The following TJP3 variants were observed in gnomAD, a reference collection of about 807,000 sequenced individuals.
TJP3 encodes tight junction protein ZO-3.
In TJP3, 85 loss-of-function variants were observed where a neutral mutation model predicts 104.2. That is an observed-to-expected ratio of 0.82 (90% confidence interval 0.68 to 0.98). The LOEUF is 0.98. Ranked by LOEUF, TJP3 falls within the 50% of genes least tolerant of loss-of-function variation. TJP3 has a pLI of 0.00. For missense variants in TJP3, 1,367 were observed against 1,322.8 expected (o/e 1.03, Z -0.52); for synonymous variants, 550 against 550.6 (o/e 1.00, Z 0.02).
At position 3,733,888 on chromosome 19, in the gene TJP3, GAC is replaced by G; in HGVS notation, c.855_856del (p.Asp285GlufsTer65). 1 of 1,614,120 alleles carries G rather than the reference GAC, an allele frequency of 6.2e-7. No homozygotes were observed. Among genetic ancestry groups the G allele is most frequent in the Non-Finnish European group, 8.5e-7 (1 of 1,179,974 alleles). ...FLVNIPPAVSDSDSSPLEDIS... is the reference protein window; with the variant it reads ...FLVNIPPAVSXSDSSPLEDIS... ...GGTGAACATTCCGCCTGCTGTCAGT[GAC>G]AGCGACAGCTCGCCATTGGAGGGTG... On this transcript the variant is annotated frameshift_variant, in exon 7 of 21. Coordinates refer to ENST00000541714, the MANE Select transcript of TJP3 (RefSeq NM_001267560.2). LOFTEE classifies it high-confidence loss of function.
chr19:3,727,538 G>A (rs902074886), intron 1 of TJP3, among the ~76,000 whole-genome samples: 1 of 148,624 alleles, frequency 6.7e-6, no homozygotes. Context: ...CACAAAGGAA[G>A]TGTTTCATTC....
rs1161407830 is a variant in TJP3 at position 3,746,460 on chromosome 19, C to G, written c.2011-25C>G. 1 of 1,612,546 alleles carries G rather than the reference C, an allele frequency of 6.2e-7. No homozygotes were observed. Among genetic ancestry groups the G allele is most frequent in the Admixed American group, 1.7e-5 (1 of 59,956 alleles). ...TTTACCCTGCTGCAATCCCCCTCACCCCAACGTCCGCCGGCCTGGCCCAGG... is the reference window on the plus strand; with the variant it reads ...TTTACCCTGCTGCAATCCCCCTCACGCCAACGTCCGCCGGCCTGGCCCAGG... On this transcript the variant is annotated intron_variant, in intron 16 of 20. Transcript: ENST00000541714. The surrounding 1 kb of genome is among the most constrained non-coding windows in gnomAD (Gnocchi z 4.1).
At chr19:3,728,222 A>G (rs543590764) in intron 1 of TJP3, 1 of 372,570 alleles carries the variant, frequency 2.7e-6, no homozygotes, top group South Asian at 1.1e-4. Flanking sequence ...CCTGGGCGAC[A>G]GAGCCAGACT....
intron 8 of TJP3, 55 bp from the exon 9 acceptor site, chr19:3,735,511 T>C: frequency 3.1e-6 from 5 of 1,587,898 alleles, no homozygotes; most frequent in East Asian, 2.2e-5. Flanking sequence ...AAATTCTTTT[T>C]AAAATGGCCC....
chr19:3,709,339 AACCCCCTC>A (rs1568375200), intron 1 of TJP3, among the ~76,000 whole-genome samples: 1 of 152,020 alleles, frequency 6.6e-6, no homozygotes, highest in Non-Finnish European at 1.5e-5. Context: ...CAGGTGATCC[AACCCCCTC>A]GGCCTCCCAA....
At chr19:3,732,624 C>G (rs1599153793) in intron 6 of TJP3, among the ~76,000 whole-genome samples, 1 of 152,082 alleles carries the variant, frequency 6.6e-6, no homozygotes, top group East Asian at 1.9e-4. Context: ...ATTCTCCTGC[C>G]TTAGCCTCCC....
chr19:3,740,335 G>C (rs1348315049), intron 13 of TJP3, among the ~76,000 whole-genome samples: 2 of 152,132 alleles, frequency 1.3e-5, no homozygotes, highest in Non-Finnish European at 2.9e-5. Context: ...CTGAACCCAG[G>C]AGGCAGAGGT....
chr19:3,712,544 G>A (rs923812765), intron 1 of TJP3, among the ~76,000 whole-genome samples: 2 of 152,086 alleles, frequency 1.3e-5, no homozygotes, highest in Non-Finnish European at 2.9e-5. Context: ...CGGGATCCCC[G>A]TTTTACAGAT....
At position 3,727,428 on chromosome 19, in the gene TJP3, A is replaced by C. The variant is rs185545819; in HGVS notation, c.-9-996A>C. 5.2e-3 allele frequency among the ~76,000 whole-genome samples: 773 copies of C among 150,076 alleles called. 4 individuals carry two copies. The highest frequency in any genetic ancestry group is 7.8e-3 in the Non-Finnish European group (529 of 67,756). ...AACCTGGAAGGCGGAGGTTGCAGTGAGCCAAGATCACGCCATTGCACTCCA... is the reference window on the plus strand; with the variant it reads ...AACCTGGAAGGCGGAGGTTGCAGTGCGCCAAGATCACGCCATTGCACTCCA... On this transcript the variant is annotated intron_variant, in intron 1 of 20. Transcript: ENST00000541714.
intron 1 of TJP3, among the ~76,000 whole-genome samples, chr19:3,726,822 A>C (rs187669439): frequency 2.0e-5 from 3 of 151,878 alleles, no homozygotes; most frequent in Admixed American, 2.0e-4. Context: ...ATAATGGCTC[A>C]CACTTGTAAT....
intron 1 of TJP3, among the ~76,000 whole-genome samples, chr19:3,717,860 C>A (rs1040377974): frequency 2.7e-5 from 4 of 150,570 alleles, no homozygotes; most frequent in Non-Finnish European, 5.9e-5. Flanking sequence ...AGCAATCCTC[C>A]CAGCTCAGCT....
chr19:3,730,152 T>C lies in TJP3; in HGVS notation c.261+22T>C, dbSNP rs2036649563. 6.2e-7 allele frequency: 1 copy of C among 1,610,290 alleles called. No individual in the cohort carries two copies. Among genetic ancestry groups the C allele is most frequent in the African/African-American group, 1.3e-5 (1 of 74,816 alleles). On this transcript the variant is annotated intron_variant, in intron 4 of 20. Transcript: ENST00000541714. The surrounding 1 kb of genome is among the most constrained non-coding windows in gnomAD (Gnocchi z 7.3). ...CATCGTGAGTAGGCAGCCCCTGGCA[T>C]GGCCAGCATCTCTGACCCCAGCCTG...
chr19:3,737,115 A>G (rs1413127518), intron 11 of TJP3, among the ~76,000 whole-genome samples: 3 of 151,864 alleles, frequency 2.0e-5, no homozygotes, highest in African/African-American at 7.3e-5. Context: ...CCTGGCCTCA[A>G]GTGATGCACC....
chr19:3,717,864 C>T (rs2036495940), intron 1 of TJP3, among the ~76,000 whole-genome samples: 1 of 150,988 alleles, frequency 6.6e-6, no homozygotes, highest in Non-Finnish European at 1.5e-5. Flanking sequence ...ATCCTCCCAG[C>T]TCAGCTTCCC....
intron 11 of TJP3, 81 bp from the exon 12 acceptor site, chr19:3,738,474 T>G (rs2036767099): frequency 7.9e-7 from 1 of 1,270,692 alleles, no homozygotes; most frequent in Admixed American, 1.9e-5. Context: ...GGCTGAGTTT[T>G]GCCCAGAGGA....
At chr19:3,745,131 G>GTTTT (rs2036869010) in intron 15 of TJP3, among the ~76,000 whole-genome samples, 1 of 80,322 alleles carries the variant, frequency 1.2e-5, no homozygotes, top group Non-Finnish European at 2.4e-5. Context: ...CAAATTTTAT[G>GTTTT]TCTTTTTTTT....
intron 14 of TJP3, among the ~76,000 whole-genome samples, 155 bp downstream of exon 14, chr19:3,740,918 A>G (rs774785057): frequency 1.3e-5 from 2 of 152,120 alleles, no homozygotes; most frequent in Non-Finnish European, 2.9e-5. Context: ...AGGTAGGAGG[A>G]TCGCTGAGGC....
rs553562147 is a variant in TJP3, at chr19:3,738,088, G to GTCCATTGGCTGTA, written c.1285-462_1285-461insTGGCTGTATCCAT. ...CATGACCCGGAGAGCAGATGGCTGTGTCCATATATTGTTGTCCCTGTCATG... is the reference window on the plus strand; with the variant it reads ...CATGACCCGGAGAGCAGATGGCTGTGTCCATTGGCTGTATCCATATATTGTTGTCCCTGTCATG... On this transcript the variant is annotated intron_variant, in intron 11 of 20. Coordinates refer to ENST00000541714, the MANE Select transcript of TJP3 (RefSeq NM_001267560.2). Among the ~76,000 whole-genome samples, 202 of 152,214 alleles carry GTCCATTGGCTGTA rather than the reference G, an allele frequency of 1.3e-3. 1 individual carries two copies. Among genetic ancestry groups the GTCCATTGGCTGTA allele is most frequent in the African/African-American group, 4.7e-3 (195 of 41,530 alleles).
intron 15 of TJP3, 130 bp downstream of exon 15, chr19:3,744,164 A>G: frequency 1.4e-6 from 1 of 718,892 alleles, no homozygotes; most frequent in South Asian, 1.7e-5. Context: ...TGCCCCCCCC[A>G]ATACCCAAGC....
Sources: allele counts gnomAD v4.1 joint callset (sites outside exome capture counted in the v4.1 genomes callset), GRCh38; gene constraint gnomAD v4.1.1; non-coding constraint Gnocchi (gnomAD v3.1); transcripts MANE v1.5; gene names NCBI Gene and HGNC (gene_info 2026-07-23, HGNC 2026-07-21).